The following DGCR6L variants were observed in gnomAD, a reference collection of about 807,000 sequenced individuals.
DGCR6L encodes the protein protein DGCR6L.
A neutral mutation model predicts 31.1 loss-of-function variants in DGCR6L; 24 were observed. That is an observed-to-expected ratio of 0.77 (90% CI 0.56 to 1.08). The LOEUF is 1.08. Ranked by LOEUF, DGCR6L falls within the 50% of genes least tolerant of loss-of-function variation. DGCR6L has a pLI of 0.00. For synonymous variants in DGCR6L, 104 were observed against 126.1 expected, an observed-to-expected ratio of 0.82 and a Z score of 1.17; for missense variants, 218 against 287.1, an observed-to-expected ratio of 0.76 and a Z score of 1.74.
At position 20,319,985 on chromosome 22, in the gene DGCR6L, C is replaced by A. The variant is rs764352364; in HGVS notation, c.4G>T (p.Glu2Ter). M[E>*]RYAAALEEVA... ...TCCTCCAAGGCGGCCGCGTAGCGCTCCATGGCGCGGACGCCCGCTAGCCGC... is the reference window on the plus strand; with the variant it reads ...TCCTCCAAGGCGGCCGCGTAGCGCTACATGGCGCGGACGCCCGCTAGCCGC... The change falls in exon 1 of 5, where the codon GAG becomes TAG. Residue 2 changes from glutamate (E) to a stop codon, truncating the protein, a stop_gained. Coordinates refer to ENST00000248879, the MANE Select transcript of DGCR6L (RefSeq NM_033257.4). LOFTEE classifies it high-confidence loss of function. 1 of 1,579,608 alleles carries A rather than the reference C, an allele frequency of 6.3e-7. No individual in the cohort carries two copies. The highest frequency in any genetic ancestry group is 1.4e-5 in the African/African-American group (1 of 73,660).
chr22:20,320,056 G>A lies in DGCR6L; in HGVS notation c.-68C>T. 2 of 1,454,696 alleles carry A rather than the reference G, an allele frequency of 1.4e-6. No individual in the cohort carries two copies. Among genetic ancestry groups the A allele is most frequent in the East Asian group, 5.1e-5 (2 of 39,164 alleles). 90.1% of individuals were successfully genotyped at this position (1,454,696 alleles called of 1,614,324 possible). A position where few individuals can be genotyped will look rare whatever the true frequency, so the allele number is the denominator to read the frequency against. Reference sequence around the variant, plus strand: ...CCCAGCTTCACGACATCCCGAGCGCGGCGCGTCCCGCCCCTTTTACGATTG... The same window carrying A: ...CCCAGCTTCACGACATCCCGAGCGCAGCGCGTCCCGCCCCTTTTACGATTG... On this transcript the variant is annotated 5_prime_UTR_variant, in exon 1 of 5. Coordinates refer to ENST00000248879, the MANE Select transcript of DGCR6L (RefSeq NM_033257.4).
intron 4 of DGCR6L, 189 bp from the exon 5 acceptor site, chr22:20,315,013 C>G (rs1462311227): frequency 7.4e-7 from 1 of 1,355,430 alleles, no homozygotes; most frequent in Non-Finnish European, 1.0e-6. Context: ...CCTCTGCCCC[C>G]AGCAGGGCCA....
chr22:20,319,922 G>A lies in DGCR6L; in HGVS notation c.67C>T (p.Gln23Ter). 1 of 1,610,834 alleles carries A rather than the reference G, an allele frequency of 6.2e-7. No individual in the cohort carries two copies. Among genetic ancestry groups the A allele is most frequent in the South Asian group, 1.1e-5 (1 of 90,710 alleles). The part of the protein sequence containing the change: ...DGARQQERHY[Q>*]LLSALQSLVK... The stretch of plus-strand genomic sequence containing the variant: ...AGGCTCTGTAGCGCCGACAGCAACT[G>A]GTAGTGTCGCTCCTGCTGCCGGGCA... Residue 23 changes from glutamine (Q) to a stop codon, truncating the protein, a stop_gained, in exon 1 of 5, where the codon CAG (glutamine) becomes TAG (stop). Coordinates refer to ENST00000248879, the MANE Select transcript of DGCR6L (RefSeq NM_033257.4). LOFTEE classifies it high-confidence loss of function.
At chr22:20,315,882 G>A (rs1389284069) in intron 3 of DGCR6L, among the ~76,000 whole-genome samples, 1 of 152,208 alleles carries the variant, frequency 6.6e-6, no homozygotes, top group Non-Finnish European at 1.5e-5. Flanking sequence ...AAACCCACGA[G>A]GAGCTGCTAT....
rs1439087602 is a variant in DGCR6L, at chr22:20,314,581, T to G, written c.*94A>C. 6.9e-7 allele frequency: 1 copy of G among 1,448,436 alleles called. No homozygotes were observed. The highest frequency in any genetic ancestry group is 9.2e-7 in the Non-Finnish European group (1 of 1,090,832). 89.7% of individuals were successfully genotyped at this position (1,448,436 alleles called of 1,614,324 possible). A position where few individuals can be genotyped will look rare whatever the true frequency, so the allele number is the denominator to read the frequency against. On this transcript the variant is annotated 3_prime_UTR_variant, in exon 5 of 5. Coordinates refer to ENST00000248879, the MANE Select transcript of DGCR6L (RefSeq NM_033257.4). ...ACAGGCAGCTGGGGTCCACCTGGTC[T>G]CTCCTCAGCAGGGGGAACCCCCTGC... is the stretch of plus-strand genomic sequence containing the variant.
intron 2 of DGCR6L, among the ~76,000 whole-genome samples, chr22:20,316,555 G>A (rs1396916190): frequency 6.6e-6 from 1 of 152,232 alleles, no homozygotes; most frequent in Admixed American, 6.5e-5. Context: ...GGGCCCCCAT[G>A]GCCACAGGCC....
In DGCR6L at chr22:20,316,184, C is replaced by A; in HGVS notation, c.307G>T (p.Ala103Ser). Reference sequence around the variant, plus strand: ...TTGTGGGGCCGGCAGGCCTGCTGGGCTTCCTGGTGCTTCTGCCGCAGCGCC... The same window carrying A: ...TTGTGGGGCCGGCAGGCCTGCTGGGATTCCTGGTGCTTCTGCCGCAGCGCC... The part of the protein sequence containing the change: ...RQALRQKHQE[A>S]QQACRPHNLP... The change falls in exon 3 of 5, where the codon GCC (alanine) becomes TCC (serine). Residue 103 changes from alanine to serine, a missense_variant. Physicochemically the swap from Ala to Ser is moderately conservative, Grantham distance 99. Coordinates refer to ENST00000248879, the MANE Select transcript of DGCR6L (RefSeq NM_033257.4). 1 of 1,608,952 alleles carries A rather than the reference C, an allele frequency of 6.2e-7. No homozygotes were observed. The highest frequency in any genetic ancestry group is 8.5e-7 in the Non-Finnish European group (1 of 1,178,996).
chr22:20,318,661 C>T (rs972039985), intron 2 of DGCR6L: 1 of 152,222 alleles, frequency 6.6e-6, no homozygotes, highest in Non-Finnish European at 1.5e-5. Flanking sequence ...GGGCTACCTT[C>T]TGCAGCTGTG....
Position 20,320,052 on chromosome 22 carries a change from G to A in DGCR6L, c.-64C>T. On this transcript the variant is annotated 5_prime_UTR_variant, in exon 1 of 5. Coordinates refer to ENST00000248879, the MANE Select transcript of DGCR6L (RefSeq NM_033257.4). ...CTCCCCCAGCTTCACGACATCCCGA[G>A]CGCGGCGCGTCCCGCCCCTTTTACG... The A allele has an allele frequency of 6.8e-7, 1 of 1,460,848 alleles. No individual in the cohort carries two copies. Among genetic ancestry groups the A allele is most frequent in the Non-Finnish European group, 9.0e-7 (1 of 1,110,424 alleles). 90.5% of individuals were successfully genotyped at this position (1,460,848 alleles called of 1,614,324 possible). A position where few individuals can be genotyped will look rare whatever the true frequency, so the allele number is the denominator to read the frequency against.
intron 1 of DGCR6L, 39 bp downstream of exon 1, chr22:20,319,840 A>C: frequency 1.3e-6 from 2 of 1,595,842 alleles, no homozygotes; most frequent in Non-Finnish European, 1.7e-6. Flanking sequence ...CGGGAAACGA[A>C]GCCGCCTCCG....
rs1426197847 is a variant in DGCR6L, at chr22:20,315,153, C to T, written c.513+183G>A. The T allele has an allele frequency of 4.8e-6, 7 of 1,447,344 alleles. No individual in the cohort carries two copies. In the Admixed American group the frequency reaches 5.9e-5, roughly 12 times the overall value. 89.7% of individuals were successfully genotyped at this position (1,447,344 alleles called of 1,614,324 possible). On this transcript the variant is annotated intron_variant, in intron 4 of 4. Coordinates refer to ENST00000248879, the MANE Select transcript of DGCR6L (RefSeq NM_033257.4). ...AGTGCCCATGGCTGGCTGGCTCACCCTCCTGTAGGGAATGGGCCTGGCCTC... is the reference window on the plus strand; with the variant it reads ...AGTGCCCATGGCTGGCTGGCTCACCTTCCTGTAGGGAATGGGCCTGGCCTC...
chr22:20,319,227 G>A (rs1479709140), intron 2 of DGCR6L, among the ~76,000 whole-genome samples: 1 of 152,160 alleles, frequency 6.6e-6, no homozygotes, highest in Non-Finnish European at 1.5e-5. Flanking sequence ...GAGGCCCTGC[G>A]AGGCCTGAGA....
chr22:20,317,041 G>A (rs2051576399), intron 2 of DGCR6L, among the ~76,000 whole-genome samples: 1 of 152,152 alleles, frequency 6.6e-6, no homozygotes, highest in Non-Finnish European at 1.5e-5. Context: ...CTCCCCAGGA[G>A]GGAGGGGTCC....
At chr22:20,319,049 G>GA (rs1201344508) in intron 2 of DGCR6L, among the ~76,000 whole-genome samples, 3 of 152,186 alleles carry the variant, frequency 2.0e-5, no homozygotes, top group Non-Finnish European at 4.4e-5. Flanking sequence ...AGAAGTTTGG[G>GA]AAAAATAACA....
rs2146017432 is a variant in DGCR6L at position 20,316,226 on chromosome 22, G to A, written c.272-7C>T. 6.3e-7 allele frequency: 1 copy of A among 1,597,910 alleles called. No individual in the cohort carries two copies. ...CGCAGCGCCTGCCTGAGCACTGGGA[G>A]GGATGAGAGCCCGTCAGCAGGCGGT... On this transcript the variant is annotated splice_region_variant and splice_polypyrimidine_tract_variant and intron_variant, in intron 2 of 4. Transcript: ENST00000248879.
intron 4 of DGCR6L, 120 bp downstream of exon 4, chr22:20,315,216 C>T (rs1339959816): frequency 4.6e-6 from 7 of 1,536,780 alleles, no homozygotes; most frequent in Non-Finnish European, 6.1e-6. Context: ...TCCAGAGCCT[C>T]AATCCTTCCA....
In DGCR6L at chr22:20,319,734, G is replaced by A. The variant is rs1237772325; in HGVS notation, c.176C>T (p.Thr59Ile). The change falls in exon 2 of 5, where the codon ACC becomes ATC. Residue 59 changes from threonine to isoleucine, a missense_variant. By Grantham distance (89) the Thr-to-Ile change is moderately conservative. Around this residue, in one of 4 missense-constraint regions of DGCR6L, gnomAD observed 5 missense variants for 20.6 expected, o/e 0.24. Coordinates refer to ENST00000248879, the MANE Select transcript of DGCR6L (RefSeq NM_033257.4). ...SDLALALLDG[T>I]VFEIVQGLLE... ...TAGCCCCTGCACGATTTCGAACACG[G>A]TGCCGTCGAGAAGCGCCAGGGCCAG... 1 of 1,612,844 alleles carries A rather than the reference G, an allele frequency of 6.2e-7. No individual in the cohort carries two copies. The highest frequency in any genetic ancestry group is 8.5e-7 in the Non-Finnish European group (1 of 1,179,632).
chr22:20,315,260 G>C, intron 4 of DGCR6L, 76 bp downstream of exon 4: 1 of 1,553,810 alleles, frequency 6.4e-7, no homozygotes, highest in South Asian at 1.2e-5. Context: ...GGCTCCCCAG[G>C]GACCAGCAGT....
chr22:20,317,566 A>G (rs781597391), intron 2 of DGCR6L, among the ~76,000 whole-genome samples: 5 of 152,256 alleles, frequency 3.3e-5, no homozygotes, highest in Non-Finnish European at 7.3e-5. Context: ...TCTGAAGCAC[A>G]AACAGCATTG....
Sources: gnomAD v4.1 joint callset for allele counts (sites outside exome capture counted in the v4.1 genomes callset) on GRCh38, gnomAD v4.1.1 for gene constraint, gnomAD v4.1.1 regional missense constraint, MANE v1.5 for transcripts, NCBI Gene and HGNC (gene_info 2026-07-23, HGNC 2026-07-21) for gene names.